The following RILPL1 variants were observed in gnomAD, a reference collection of about 807,000 sequenced individuals.
RILPL1 encodes Rab interacting lysosomal protein like 1, also known as RILP-like protein 1.
A neutral mutation model predicts 50.3 loss-of-function variants in RILPL1; 33 were observed. The ratio of observed to expected loss-of-function variants is 0.66; its 90% CI spans 0.50 to 0.88. RILPL1 has a LOEUF of 0.88. RILPL1 is among the 40% of genes least tolerant of loss of function. The pLI, the probability that RILPL1 is intolerant of heterozygous loss-of-function variation, is 0.00. For missense variants in RILPL1, 418 were observed against 542.5 expected (o/e 0.77, Z 2.28); for synonymous variants, 205 against 228.6 (o/e 0.90, Z 0.93).
At chr12:123,484,036 A>G (rs1882162733) in intron 6 of RILPL1, 144 bp downstream of exon 6, 1 of 616,450 alleles carries the variant, frequency 1.6e-6, no homozygotes, top group Non-Finnish European at 2.9e-6. Context: ...AGATGAACTC[A>G]AAGTCGGGGG....
intron 2 of RILPL1, among the ~76,000 whole-genome samples, chr12:123,512,275 TGGGTGGTGTGTGAGGTCTGTGTG>T (rs1313503712): frequency 4.5e-5 from 3 of 67,240 alleles, no homozygotes; most frequent in African/African-American, 6.8e-5. Flanking sequence ...CATCTGTGTG[TGGGTGGTGTGTGAGGTCTGTGTG>T]GAGGTCTGTG....
At position 123,533,553 on chromosome 12, in the gene RILPL1, G is replaced by A. The variant is rs1162196589; in HGVS notation, c.-71C>T. On this transcript the variant is annotated 5_prime_UTR_variant, in exon 1 of 7. Transcript: ENST00000376874. The surrounding 1 kb of genome is among the most constrained non-coding windows in gnomAD (Gnocchi z 6.2). ...CCCAAACTTGCCGCTGTCGAGGGCC[G>A]GGCCGGCCGGGCCCAGCCTGGGCCG... The A allele has an allele frequency of 1.3e-5, 17 of 1,312,080 alleles. No individual in the cohort carries two copies. Among genetic ancestry groups the A allele is most frequent in the South Asian group, 1.0e-4 (6 of 58,488 alleles). 81.3% of individuals were successfully genotyped at this position (1,312,080 alleles called of 1,614,324 possible). A position where few individuals can be genotyped will look rare whatever the true frequency, so the allele number is the denominator to read the frequency against.
rs1314456281 is a variant in RILPL1 at position 123,522,531 on chromosome 12, A to C, written c.460+964T>G. On this transcript the variant is annotated intron_variant, in intron 2 of 6. Transcript: ENST00000376874. This position sits in a 1 kb window ranked among gnomAD's most constrained non-coding sequence, Gnocchi z 4.0. ...AATAAAATCCAAACCTCAGCCTCTA[A>C]GGAGCTACATGAACTGACCCCTGTG... 6.6e-6 allele frequency among the ~76,000 whole-genome samples: 1 copy of C among 152,194 alleles called. No homozygotes were observed. The highest frequency in any genetic ancestry group is 1.5e-5 in the Non-Finnish European group (1 of 68,036).
chr12:123,499,589 A>G (rs1883242826), intron 2 of RILPL1, 53 bp from the exon 3 acceptor site: 2 of 1,328,678 alleles, frequency 1.5e-6, no homozygotes, highest in East Asian at 2.3e-5. Flanking sequence ...CTATGTTGAA[A>G]TCATCCACCA....
chr12:123,472,301 C>A lies in RILPL1; in HGVS notation c.*237G>T, dbSNP rs924606024. On this transcript the variant is annotated 3_prime_UTR_variant, in exon 7 of 7. Coordinates refer to ENST00000376874, the MANE Select transcript of RILPL1 (RefSeq NM_178314.5). ...GTGGGATTATTAAATATATATCCTA[C>A]GGGATCAGAGTCATCTATTAGAAAC... 4.1e-6 allele frequency: 2 copies of A among 490,134 alleles called. No individual in the cohort carries two copies. The highest frequency in any genetic ancestry group is 7.3e-6 in the Non-Finnish European group (2 of 274,274). 30.4% of individuals were successfully genotyped at this position (490,134 alleles called of 1,614,324 possible).
chr12:123,497,672 G>A (rs1293372532), intron 4 of RILPL1, among the ~76,000 whole-genome samples: 2 of 152,084 alleles, frequency 1.3e-5, no homozygotes, highest in African/African-American at 4.8e-5. Flanking sequence ...GATTACAGGT[G>A]TGAGCCACCA....
intron 6 of RILPL1, 138 bp from the exon 7 acceptor site, chr12:123,472,820 G>A: frequency 2.3e-6 from 2 of 877,134 alleles, no homozygotes; most frequent in Admixed American, 2.5e-5. Context: ...CAAAGTTGGG[G>A]GTGCAGGTCA....
chr12:123,510,967 CTGTGTGTGTGTGGTG>C (rs1262872420), intron 2 of RILPL1, among the ~76,000 whole-genome samples: 1 of 97,920 alleles, frequency 1.0e-5, no homozygotes, highest in East Asian at 3.2e-4. Context: ...TGTGTGAGGT[CTGTGTGTGTGTGGTG>C]TGTGTGAGGT....
At chr12:123,503,070 GGA>G (rs1265109207) in intron 2 of RILPL1, among the ~76,000 whole-genome samples, 1 of 151,246 alleles carries the variant, frequency 6.6e-6, no homozygotes, top group African/African-American at 2.4e-5. Context: ...TGTATTTTTA[GGA>G]GAGTCAGGTT....
chr12:123,493,417 CAG>C (rs1476762464), intron 4 of RILPL1, among the ~76,000 whole-genome samples: 5 of 152,190 alleles, frequency 3.3e-5, no homozygotes, highest in Non-Finnish European at 7.3e-5. Context: ...TAAAGGAACT[CAG>C]AGGCTGGCGG....
At chr12:123,531,039 T>G (rs1885425002) in intron 1 of RILPL1, among the ~76,000 whole-genome samples, 3 of 149,290 alleles carry the variant, frequency 2.0e-5, no homozygotes, top group East Asian at 2.0e-4. Context: ...GGAATGGAGG[T>G]GGACAGACTA....
intron 6 of RILPL1, among the ~76,000 whole-genome samples, chr12:123,476,836 C>T (rs1450612600): frequency 6.6e-6 from 1 of 152,228 alleles, no homozygotes; most frequent in Non-Finnish European, 1.5e-5. Context: ...CAGTATATGA[C>T]AGCCAACGAG....
intron 2 of RILPL1, among the ~76,000 whole-genome samples, chr12:123,503,548 A>G (rs1417139854): frequency 2.0e-5 from 3 of 151,846 alleles, no homozygotes; most frequent in African/African-American, 7.3e-5. Flanking sequence ...AGTGGCCACC[A>G]GCACTTCTCG....
At chr12:123,524,782 C>T (rs1057136715) in intron 1 of RILPL1, among the ~76,000 whole-genome samples, 1 of 152,112 alleles carries the variant, frequency 6.6e-6, no homozygotes. Flanking sequence ...AGAGGGGAGA[C>T]GAGGAATGAC....
Position 123,498,577 on chromosome 12 carries a change from C to T in RILPL1, c.768G>A (p.Gly256=). 1.9e-6 allele frequency: 3 copies of T among 1,613,630 alleles called. No homozygotes were observed. The highest frequency in any genetic ancestry group is 2.5e-6 in the Non-Finnish European group (3 of 1,179,880). The change falls in exon 4 of 7, where the codon GGG becomes GGA. Residue 256 remains glycine (G), a synonymous_variant. Coordinates refer to ENST00000376874, the MANE Select transcript of RILPL1 (RefSeq NM_178314.5). The surrounding 1 kb of genome is among the most constrained non-coding windows in gnomAD (Gnocchi z 4.3). ...CCTCCTCCCCATTCTGGCTGTGCTC[C>T]CCCTGCAGCCTCTCTCGCAACTTCC... The part of the protein sequence containing the change: ...ELGKLRERLQ[G]EHSQNGEEEP...
rs563988101 is a variant in RILPL1 at position 123,510,365 on chromosome 12, G to GGT, written c.461-10831_461-10830dup. On this transcript the variant is annotated intron_variant, in intron 2 of 6. Coordinates refer to ENST00000376874, the MANE Select transcript of RILPL1 (RefSeq NM_178314.5). ...CGACCCTTGGGCATGTGGGGGGTGTGGTGTGTGTGTGTGTGTGTGGTGTGT... is the reference window on the plus strand; with the variant it reads ...CGACCCTTGGGCATGTGGGGGGTGTGGTGTGTGTGTGTGTGTGTGTGGTGTGT... Among the ~76,000 whole-genome samples the GGT allele has an allele frequency of 4.0e-3, 602 of 151,024 alleles. 3 individuals are homozygous for GGT. The highest frequency in any genetic ancestry group is 7.9e-3 in the South Asian group (38 of 4,784).
Position 123,533,680 on chromosome 12 carries a change from G to C in RILPL1, c.-198C>G, listed in dbSNP as rs1362279656. 4.2e-5 allele frequency: 7 copies of C among 165,612 alleles called. No individual in the cohort carries two copies. The highest frequency in any genetic ancestry group is 1.7e-4 in the African/African-American group (7 of 41,090). The allele number at this position is 165,612 out of a possible 1,614,324, so 10.3% of individuals were successfully genotyped here. A position where few individuals can be genotyped will look rare whatever the true frequency, so the allele number is the denominator to read the frequency against. On this transcript the variant is annotated 5_prime_UTR_variant, in exon 1 of 7. Coordinates refer to ENST00000376874, the MANE Select transcript of RILPL1 (RefSeq NM_178314.5). The surrounding 1 kb of genome is among the most constrained non-coding windows in gnomAD (Gnocchi z 6.2). ...CGGCGGCGCGGGGTGTGCGGGCCCGGGGTCTGGGCGCCCGGCTCGGCCCGG... is the reference window on the plus strand; with the variant it reads ...CGGCGGCGCGGGGTGTGCGGGCCCGCGGTCTGGGCGCCCGGCTCGGCCCGG...
At chr12:123,514,234 G>C (rs888981627) in intron 2 of RILPL1, 1 of 152,058 alleles carries the variant, frequency 6.6e-6, no homozygotes. Flanking sequence ...TGATTTCATC[G>C]ATAGGAAATA....
chr12:123,512,120 T>TGTGTGTGTGTG (rs1311387526), intron 2 of RILPL1, among the ~76,000 whole-genome samples: 3 of 124,730 alleles, frequency 2.4e-5, no homozygotes, highest in Non-Finnish European at 5.1e-5. Flanking sequence ...GTGTGAGGTT[T>TGTGTGTGTGTG]GTGTGTGTGT....
Sources: gnomAD v4.1 joint callset for allele counts (sites outside exome capture counted in the v4.1 genomes callset) on GRCh38, gnomAD v4.1.1 for gene constraint, Gnocchi (gnomAD v3.1) non-coding constraint, MANE v1.5 for transcripts, NCBI Gene and HGNC (gene_info 2026-07-23, HGNC 2026-07-21) for gene names.